The following CYGB variants were observed in gnomAD, a reference collection of about 807,000 sequenced individuals.
CYGB encodes histoglobin.
Under a neutral mutation model 20.7 loss-of-function variants are expected in CYGB, and 13 were observed. The ratio of observed to expected loss-of-function variants is 0.63; its 90% CI spans 0.41 to 1.00. The LOEUF is 1.00. CYGB is among the 50% of genes least tolerant of loss of function. The probability of loss-of-function intolerance (pLI) is 0.00; values close to 1 mark genes in which losing one functional copy is unlikely to be tolerated. For missense variants in CYGB, 218 were observed against 257.2 expected, an observed-to-expected ratio of 0.85 and a Z score of 1.04; for synonymous variants, 93 against 107.4, an observed-to-expected ratio of 0.87 and a Z score of 0.83.
At chr17:76,537,309 G>C in intron 1 of CYGB, 91 bp downstream of exon 1, 1 of 1,356,042 alleles carries the variant, frequency 7.4e-7, no homozygotes, top group Non-Finnish European at 9.6e-7. Flanking sequence ...GGGAGGTGGC[G>C]CTGGAGCTCG....
chr17:76,539,297 TC>T (rs200878735), upstream of CYGB, among the ~76,000 whole-genome samples: 240 of 152,256 alleles, frequency 1.6e-3, 9 homozygotes, highest in East Asian at 0.041. Context: ...ATAGGAGAAA[TC>T]GTGTAACTAT....
upstream of CYGB, chr17:76,538,025 T>C (rs2074941241): frequency 6.7e-6 from 1 of 148,720 alleles, no homozygotes; most frequent in South Asian, 2.1e-4. Context: ...CGCACAGGAG[T>C]GCGCTGGGGC....
chr17:76,540,235 A>G, upstream of CYGB: 1 of 435,070 alleles, frequency 2.3e-6, no homozygotes, highest in African/African-American at 3.5e-5. This position sits in a 1 kb window ranked among gnomAD's most constrained non-coding sequence, Gnocchi z 5.0. Context: ...TGACCGGGCT[A>G]TGGCTGGCGG....
At chr17:76,540,134 G>T, upstream of CYGB, 1 of 1,598,922 alleles carries the variant, frequency 6.3e-7, no homozygotes, top group Non-Finnish European at 8.5e-7. This position sits in a 1 kb window ranked among gnomAD's most constrained non-coding sequence, Gnocchi z 5.0. Flanking sequence ...GGATGGGGCA[G>T]CTGCGCCATG....
rs1265626886 is a variant in CYGB at position 76,537,631 on chromosome 17, G to C, written c.-89C>G. On this transcript the variant is annotated 5_prime_UTR_variant, in exon 1 of 4. Coordinates refer to ENST00000293230, the MANE Select transcript of CYGB (RefSeq NM_134268.5). ...GCGCGGGGCGCCGGGAGCCGGGGCC[G>C]GCTGCGTGCGCGGCGGGCGGGCGAG... 3 of 972,740 alleles carry C rather than the reference G, an allele frequency of 3.1e-6. No homozygotes were observed. The highest frequency in any genetic ancestry group is 9.1e-5 in the South Asian group (2 of 21,886). 60.3% of individuals were successfully genotyped at this position (972,740 alleles called of 1,614,324 possible).
chr17:76,542,664 G>C (rs748004830), upstream of CYGB: 7 of 1,442,304 alleles, frequency 4.9e-6, no homozygotes, highest in East Asian at 1.6e-4. Flanking sequence ...GGGGAGGGCA[G>C]AGGGCAAGGC....
intron 1 of CYGB, among the ~76,000 whole-genome samples, chr17:76,534,705 G>A (rs1410042008): frequency 6.6e-6 from 1 of 152,124 alleles, no homozygotes; most frequent in South Asian, 2.1e-4. Context: ...AGGCAGGCCC[G>A]CTTTGACAGT....
chr17:76,536,239 C>T (rs756319755), intron 1 of CYGB, among the ~76,000 whole-genome samples: 1 of 152,162 alleles, frequency 6.6e-6, no homozygotes, highest in Non-Finnish European at 1.5e-5. Flanking sequence ...AAATCTGCTT[C>T]TGAGTTGGAA....
At chr17:76,537,145 G>T (rs935899088) in intron 1 of CYGB, among the ~76,000 whole-genome samples, 10 of 152,248 alleles carry the variant, frequency 6.6e-5, no homozygotes, top group African/African-American at 2.4e-4. Context: ...AGGCCGGGGA[G>T]AGGAGGGGGA....
upstream of CYGB, among the ~76,000 whole-genome samples, chr17:76,538,796 C>T (rs949968112): frequency 6.6e-6 from 1 of 152,234 alleles, no homozygotes; most frequent in Admixed American, 6.5e-5. Flanking sequence ...CAGCCTGAGG[C>T]CAGACAGGGC....
At chr17:76,537,200 C>T (rs905925131) in intron 1 of CYGB, among the ~76,000 whole-genome samples, 200 bp downstream of exon 1, 1 of 152,198 alleles carries the variant, frequency 6.6e-6, no homozygotes, top group African/African-American at 2.4e-5. Context: ...TGGTGAACAC[C>T]GCGCCGGAGC....
At chr17:76,539,970 C>T (rs990819501), upstream of CYGB, 2 of 672,504 alleles carry the variant, frequency 3.0e-6, no homozygotes, top group Non-Finnish European at 5.2e-6. Flanking sequence ...TTAATCAGTC[C>T]TCACAAGGTC....
chr17:76,528,214 T>C lies in CYGB; in HGVS notation c.*364A>G, dbSNP rs1413422944. 1.3e-5 allele frequency: 5 copies of C among 398,120 alleles called. No homozygotes were observed. The highest frequency in any genetic ancestry group is 2.2e-5 in the Non-Finnish European group (5 of 226,452). The allele number at this position is 398,120 out of a possible 1,614,324, so 24.7% of individuals were successfully genotyped here. On this transcript the variant is annotated 3_prime_UTR_variant, in exon 4 of 4. Transcript: ENST00000293230. This position sits in a 1 kb window ranked among gnomAD's most constrained non-coding sequence, Gnocchi z 5.8. The stretch of plus-strand genomic sequence containing the variant: ...GTGTGCGTGATACTCTAGATGGTGA[T>C]GTGGAGACCTGCATGCTGGCCGGGC...
intron 1 of CYGB, chr17:76,545,371 A>G (rs2075044488): frequency 2.2e-6 from 1 of 456,498 alleles, no homozygotes; most frequent in African/African-American, 2.0e-5. Flanking sequence ...TGACTATGAC[A>G]CTGTCCCCAC....
intron 1 of CYGB, among the ~76,000 whole-genome samples, chr17:76,535,431 C>T (rs1281449689): frequency 1.3e-5 from 2 of 152,166 alleles, no homozygotes; most frequent in Admixed American, 6.5e-5. Context: ...TCTTCCCCTT[C>T]CCCCACTGAC....
chr17:76,527,772 T>C lies in CYGB; in HGVS notation c.*806A>G, dbSNP rs1396355671. On this transcript the variant is annotated 3_prime_UTR_variant, in exon 4 of 4. Transcript: ENST00000293230. ...GTCGAGGTTTCTGGACTGAGGCCCC[T>C]CCCCCAGTGCGGTCATCCCACCCAG... The C allele has an allele frequency of 2.2e-6, 1 of 453,910 alleles. No individual in the cohort carries two copies. The highest frequency in any genetic ancestry group is 2.4e-5 in the Admixed American group (1 of 42,544). 28.1% of individuals were successfully genotyped at this position (453,910 alleles called of 1,614,324 possible). A position where few individuals can be genotyped will look rare whatever the true frequency, so the allele number is the denominator to read the frequency against.
chr17:76,530,288 C>T lies in CYGB; in HGVS notation c.539+691G>A, dbSNP rs1282104185. ...CCCAGGGAGGCCGAGTGTTCCCAAC[C>T]GCCACATCTGGGGGCTAGCCCTCCC... On this transcript the variant is annotated intron_variant, in intron 3 of 3. Transcript: ENST00000293230. The surrounding 1 kb of genome is among the most constrained non-coding windows in gnomAD (Gnocchi z 6.1). Among the ~76,000 whole-genome samples, 4 of 152,070 alleles carry T rather than the reference C, an allele frequency of 2.6e-5. No individual in the cohort carries two copies. The highest frequency in any genetic ancestry group is 7.2e-5 in the African/African-American group (3 of 41,396).
chr17:76,530,882 T>C lies in CYGB; in HGVS notation c.539+97A>G. On this transcript the variant is annotated intron_variant, in intron 3 of 3. Coordinates refer to ENST00000293230, the MANE Select transcript of CYGB (RefSeq NM_134268.5). This position sits in a 1 kb window ranked among gnomAD's most constrained non-coding sequence, Gnocchi z 6.1. ...CCTGCCTCAAGTGTGCCTGCCCAGGTGATCAGCCCCAGGGCCTCAGGAGAT... is the reference window on the plus strand; with the variant it reads ...CCTGCCTCAAGTGTGCCTGCCCAGGCGATCAGCCCCAGGGCCTCAGGAGAT... 7.4e-7 allele frequency: 1 copy of C among 1,349,210 alleles called. No homozygotes were observed. The highest frequency in any genetic ancestry group is 1.5e-5 in the South Asian group (1 of 65,858). The allele number at this position is 1,349,210 out of a possible 1,614,324, so 83.6% of individuals were successfully genotyped here. A position where few individuals can be genotyped will look rare whatever the true frequency, so the allele number is the denominator to read the frequency against.
chr17:76,533,476 G>A lies in CYGB; in HGVS notation c.144-1785C>T, dbSNP rs9902524. On this transcript the variant is annotated intron_variant, in intron 1 of 3. Coordinates refer to ENST00000293230, the MANE Select transcript of CYGB (RefSeq NM_134268.5). This position sits in a 1 kb window ranked among gnomAD's most constrained non-coding sequence, Gnocchi z 4.5. ...ACGGTGGCTCACGCCTATAATCCTA[G>A]CACTTTACGAGGCCGAGGCGGGTGG... is the stretch of plus-strand genomic sequence containing the variant. Among the ~76,000 whole-genome samples, 29,831 of 152,204 alleles carry A rather than the reference G, an allele frequency of 0.2. 3,025 individuals are homozygous for A. The highest frequency in any genetic ancestry group is 0.28 in the South Asian group (1,366 of 4,828).
Sources: allele counts gnomAD v4.1 joint callset (sites outside exome capture counted in the v4.1 genomes callset), GRCh38; gene constraint gnomAD v4.1.1; non-coding constraint Gnocchi (gnomAD v3.1); transcripts MANE v1.5; gene names NCBI Gene and HGNC (gene_info 2026-07-23, HGNC 2026-07-21).